Variants in PTPRD observed in about 807,000 individuals in gnomAD.
PTPRD encodes receptor-type tyrosine-protein phosphatase delta.
PTPRD carries 34 observed loss-of-function variants against 214.5 expected under a neutral mutation model. The observed-to-expected ratio is 0.16, with a 90% confidence interval of 0.12 to 0.21. PTPRD has a LOEUF of 0.21. Among genes scored for constraint, PTPRD ranks in the 10% least tolerant of loss-of-function variants. The pLI is 1.00. For synonymous variants in PTPRD, 1,128 were observed against 845.7 expected, an observed-to-expected ratio of 1.33 and a Z score of -5.79; for missense variants, 2,545 against 2,398.7, an observed-to-expected ratio of 1.06 and a Z score of -1.27.
intron 10 of PTPRD, among the ~76,000 whole-genome samples, chr9:9,086,747 C>T (rs1484877264): frequency 6.6e-6 from 1 of 152,056 alleles, no homozygotes; most frequent in Non-Finnish European, 1.5e-5. Flanking sequence ...TGGATAAAAG[C>T]ATCTGGTGTG....
Position 9,006,589 on chromosome 9 carries a change from C to T in PTPRD, c.-104+12108G>A, listed in dbSNP as rs564294098. 7.2e-5 allele frequency among the ~76,000 whole-genome samples: 11 copies of T among 152,092 alleles called. No individual in the cohort carries two copies. In the South Asian group the frequency reaches 2.3e-3, roughly 32 times the overall value. ...GCAATTACCATATTTATTCACATAACCTACCTGTTATTTTTACTGTGAAAT... is the reference window on the plus strand; with the variant it reads ...GCAATTACCATATTTATTCACATAATCTACCTGTTATTTTTACTGTGAAAT... On this transcript the variant is annotated intron_variant, in intron 11 of 45. Coordinates refer to ENST00000381196, the MANE Select transcript of PTPRD (RefSeq NM_002839.4).
chr9:8,893,080 T>C (rs530886009), intron 11 of PTPRD, among the ~76,000 whole-genome samples: 3 of 152,176 alleles, frequency 2.0e-5, no homozygotes, highest in African/African-American at 4.8e-5. Context: ...AGATGAACAG[T>C]TTAGACATTT....
intron 3 of PTPRD, among the ~76,000 whole-genome samples, chr9:10,061,897 C>T (rs1203361037): frequency 1.3e-5 from 2 of 151,924 alleles, no homozygotes; most frequent in African/African-American, 4.8e-5. Context: ...ACCCGGAACT[C>T]GCTAGAAATG....
chr9:9,683,064 T>G lies in PTPRD; in HGVS notation c.-287+51469A>C, dbSNP rs182501753. Among the ~76,000 whole-genome samples, 33 of 151,978 alleles carry G rather than the reference T, an allele frequency of 2.2e-4. No individual in the cohort carries two copies. The East Asian group carries it at 4.7e-3, about 21-fold the overall frequency. On this transcript the variant is annotated intron_variant, in intron 7 of 45. Transcript: ENST00000381196. ...ACAGATATTTTGAAAGATAGGGGAC[T>G]TAAATATAATGCTTATGGCAAGGTC...
chr9:10,029,019 G>C (rs1222384016), intron 4 of PTPRD, among the ~76,000 whole-genome samples: 1 of 152,142 alleles, frequency 6.6e-6, no homozygotes. Context: ...CTGTGTCCCA[G>C]CTGCTCCAGT....
At position 8,507,250 on chromosome 9, in the gene PTPRD, G is replaced by A. The variant is rs370393350; in HGVS notation, c.1677+51C>T. ...TGGATAAATACACAAAAATAAAAAA[G>A]TGGCCCCACGTAATGAATAATTCCC... On this transcript the variant is annotated intron_variant, in intron 22 of 45. Coordinates refer to ENST00000381196, the MANE Select transcript of PTPRD (RefSeq NM_002839.4). The A allele has an allele frequency of 4.4e-6, 7 of 1,573,270 alleles. No individual in the cohort carries two copies. In the Admixed American group the frequency reaches 5.6e-5, roughly 13 times the overall value.
chr9:8,610,428 T>A (rs1361457082), intron 14 of PTPRD, among the ~76,000 whole-genome samples: 1 of 152,186 alleles, frequency 6.6e-6, no homozygotes, highest in Non-Finnish European at 1.5e-5. Context: ...GATTCTGGGA[T>A]GGGATCCTAG....
At chr9:10,360,278 T>C (rs956066193) in intron 2 of PTPRD, among the ~76,000 whole-genome samples, 6 of 152,260 alleles carry the variant, frequency 3.9e-5, no homozygotes, top group African/African-American at 1.4e-4. Context: ...TGCAACACAA[T>C]GTTATTGGAC....
chr9:8,508,891 C>CTGTGTGTGTG (rs59265464), intron 21 of PTPRD, among the ~76,000 whole-genome samples: 7 of 140,504 alleles, frequency 5.0e-5, no homozygotes, highest in African/African-American at 1.3e-4. Context: ...GTGTGTGTGT[C>CTGTGTGTGTG]TGTGTGTGTG....
At chr9:8,892,732 T>C (rs2098552632) in intron 11 of PTPRD, among the ~76,000 whole-genome samples, 1 of 149,812 alleles carries the variant, frequency 6.7e-6, no homozygotes, top group Non-Finnish European at 1.5e-5. Flanking sequence ...TATATATATA[T>C]GTATGTATAT....
intron 3 of PTPRD, among the ~76,000 whole-genome samples, chr9:10,210,457 A>G (rs1424952216): frequency 6.6e-6 from 1 of 151,986 alleles, no homozygotes; most frequent in African/African-American, 2.4e-5. Flanking sequence ...CACTGCATTG[A>G]CCACTTAGAA....
intron 2 of PTPRD, among the ~76,000 whole-genome samples, chr9:10,599,688 T>C (rs2077491079): frequency 6.6e-6 from 1 of 151,966 alleles, no homozygotes; most frequent in Non-Finnish European, 1.5e-5. Flanking sequence ...GTTGTTAAGT[T>C]ACTTAATCAG....
At chr9:10,424,066 G>C (rs1476098801) in intron 2 of PTPRD, among the ~76,000 whole-genome samples, 1 of 151,916 alleles carries the variant, frequency 6.6e-6, no homozygotes, top group African/African-American at 2.4e-5. Context: ...CAAGAAAATA[G>C]ATTACATTAA....
In PTPRD at chr9:10,227,723, CTTGT is replaced by C. The variant is rs771649453; in HGVS notation, c.-545+113236_-545+113239del. On this transcript the variant is annotated intron_variant, in intron 3 of 45. Coordinates refer to ENST00000381196, the MANE Select transcript of PTPRD (RefSeq NM_002839.4). ...CCTATGTATTTTGTTTATTTGCTTG[CTTGT>C]TTGTTTTGTATCATCTGTGTTTATC... 1.0e-3 allele frequency among the ~76,000 whole-genome samples: 157 copies of C among 152,024 alleles called. 1 individual carries two copies. The highest frequency in any genetic ancestry group is 4.1e-4 in the Non-Finnish European group (28 of 67,940).
chr9:10,506,877 T>A (rs557754557), intron 2 of PTPRD, among the ~76,000 whole-genome samples: 3 of 152,140 alleles, frequency 2.0e-5, no homozygotes, highest in Non-Finnish European at 4.4e-5. Flanking sequence ...TCCACAGAGA[T>A]AATGTACCCT....
chr9:9,492,404 T>G (rs2095955292), intron 8 of PTPRD, among the ~76,000 whole-genome samples: 1 of 151,778 alleles, frequency 6.6e-6, no homozygotes, highest in Non-Finnish European at 1.5e-5. Flanking sequence ...CTTAATTCAT[T>G]CAATGAAGCC....
intron 10 of PTPRD, among the ~76,000 whole-genome samples, chr9:9,172,300 T>G (rs1305672350): frequency 6.6e-6 from 1 of 152,176 alleles, no homozygotes. Flanking sequence ...AGTGGCAAAA[T>G]GTACTTTCCC....
At chr9:8,443,984 C>G (rs1266417105) in intron 34 of PTPRD, among the ~76,000 whole-genome samples, 3 of 152,026 alleles carry the variant, frequency 2.0e-5, no homozygotes, top group Non-Finnish European at 4.4e-5. Context: ...AGGCCATGGG[C>G]CAGAGGGTGT....
intron 3 of PTPRD, among the ~76,000 whole-genome samples, chr9:10,234,891 T>C (rs1285715531): frequency 1.3e-5 from 2 of 151,814 alleles, no homozygotes; most frequent in African/African-American, 4.8e-5. Flanking sequence ...TTCTTATATA[T>C]TACCCTTAAT....
Sources: allele counts gnomAD v4.1 joint callset (sites outside exome capture counted in the v4.1 genomes callset), GRCh38; gene constraint gnomAD v4.1.1; transcripts MANE v1.5; gene names NCBI Gene and HGNC (gene_info 2026-07-23, HGNC 2026-07-21).